The following SLC38A8 variants were observed in gnomAD, a reference collection of about 807,000 sequenced individuals.
SLC38A8 encodes the protein solute carrier family 38 member 8, also known as amino acid transporter SLC38A8.
SLC38A8 carries 65 observed loss-of-function variants against 46.0 expected under a neutral mutation model. The observed-to-expected ratio is 1.41, with a 90% CI of 1.16 to 1.74. The LOEUF (loss-of-function observed/expected upper bound fraction) is 1.74. SLC38A8 is among the 40% of genes most tolerant of loss of function. The probability of loss-of-function intolerance (pLI) is 0.00; values close to 1 mark genes in which losing one functional copy is unlikely to be tolerated. For synonymous variants in SLC38A8, 447 were observed against 243.7 expected (o/e 1.83, Z -7.77); for missense variants, 998 against 567.9 (o/e 1.76, Z -7.70).
At position 84,025,910 on chromosome 16, in the gene SLC38A8, G is replaced by T. The variant is rs1597263944; in HGVS notation, c.691-3021C>A. On this transcript the variant is annotated intron_variant, in intron 6 of 10. Coordinates refer to ENST00000299709, the MANE Select transcript of SLC38A8 (RefSeq NM_001080442.3). ...ACAGGAGGGCTCTGCCAGCAGGGGG[G>T]ACGCAACCCCTCTGCCTCCTGCACC... is the stretch of plus-strand genomic sequence containing the variant. Among the ~76,000 whole-genome samples, 4 of 152,332 alleles carry T rather than the reference G, an allele frequency of 2.6e-5. No individual in the cohort carries two copies. The East Asian group carries it at 5.8e-4, about 22-fold the overall frequency.
intron 1 of SLC38A8, 46 bp from the exon 2 acceptor site, chr16:84,042,205 TCCTC>T: frequency 6.5e-7 from 1 of 1,548,172 alleles, no homozygotes; most frequent in South Asian, 1.2e-5. Context: ...CTTCACGCTT[TCCTC>T]CCTAAGTTCT....
At chr16:84,020,032 C>G (rs986905056) in intron 7 of SLC38A8, among the ~76,000 whole-genome samples, 16 of 152,246 alleles carry the variant, frequency 1.1e-4, no homozygotes, top group African/African-American at 2.9e-4. Context: ...TTGCTGGTAA[C>G]TTCGCAGTTT....
intron 10 of SLC38A8, among the ~76,000 whole-genome samples, chr16:84,012,060 C>G (rs1488498035): frequency 6.6e-6 from 1 of 152,196 alleles, no homozygotes; most frequent in Non-Finnish European, 1.5e-5. Context: ...CTTGATTTCA[C>G]ACTCCTGGCT....
intron 4 of SLC38A8, among the ~76,000 whole-genome samples, chr16:84,032,857 C>T (rs1334306381): frequency 6.6e-6 from 1 of 151,170 alleles, no homozygotes; most frequent in Non-Finnish European, 1.5e-5. Flanking sequence ...CACACATGTG[C>T]GTGCATGGGC....
rs1476871730 is a variant in SLC38A8, at chr16:84,016,598, C to T, written c.1083G>A (p.Met361Ile). The change falls in exon 9 of 11, where the codon ATG becomes ATA. Residue 361 changes from methionine to isoleucine, a missense_variant. Coordinates refer to ENST00000299709, the MANE Select transcript of SLC38A8 (RefSeq NM_001080442.3). ...TILWVTVTLAMALFMPDLSEI... is the reference protein window; with the variant it reads ...TILWVTVTLAIALFMPDLSEI... ...CGCTGAGGTCAGGCATAAACAGCGC[C>T]ATGGCGAGCGTCACGGTGACCCACA... The T allele has an allele frequency of 5.6e-6, 9 of 1,613,934 alleles. No homozygotes were observed. The highest frequency in any genetic ancestry group is 1.6e-4 in the Middle Eastern group (1 of 6,084).
intron 2 of SLC38A8, among the ~76,000 whole-genome samples, chr16:84,039,517 G>A (rs2085343374): frequency 1.3e-5 from 2 of 152,198 alleles, no homozygotes; most frequent in Non-Finnish European, 2.9e-5. Context: ...GGCCAAGGCG[G>A]GTGGATCACC....
rs1164864014 is a variant in SLC38A8, at chr16:84,042,772, G to C, written c.-224C>G. 6.6e-6 allele frequency: 1 copy of C among 152,576 alleles called. No individual in the cohort carries two copies. The highest frequency in any genetic ancestry group is 2.4e-5 in the African/African-American group (1 of 41,464). 9.5% of individuals were successfully genotyped at this position (152,576 alleles called of 1,614,324 possible). On this transcript the variant is annotated 5_prime_UTR_variant, in exon 1 of 11. Transcript: ENST00000299709. ...CTAAGAGGACAGCAACAAGTGGTCA[G>C]GGCCATGGGTCCCAAGAATTTGCAG...
At chr16:84,016,383 G>T in intron 9 of SLC38A8, 136 bp downstream of exon 9, 1 of 930,244 alleles carries the variant, frequency 1.1e-6, no homozygotes, top group South Asian at 1.8e-5. Context: ...AATAAAAAGG[G>T]CACCTACATG....
intron 7 of SLC38A8, among the ~76,000 whole-genome samples, chr16:84,018,912 G>C (rs1438658093): frequency 6.6e-6 from 1 of 152,148 alleles, no homozygotes; most frequent in Non-Finnish European, 1.5e-5. Context: ...AGTTCAATAA[G>C]TGGATTTATT....
At chr16:84,041,031 T>A (rs1368460254) in intron 2 of SLC38A8, 1 of 152,242 alleles carries the variant, frequency 6.6e-6, no homozygotes, top group Non-Finnish European at 1.5e-5. Flanking sequence ...CCAGCTGCCG[T>A]AAGACGTGTG....
Position 84,016,508 on chromosome 16 carries a change from AG to A in SLC38A8, c.1162+10del, listed in dbSNP as rs770024123. ...CAAGTGGGCAGAAAGCCTGGAAAGCAGGGGCCTCACCTGGGAAGATGAAGAT... is the reference window on the plus strand; with the variant it reads ...CAAGTGGGCAGAAAGCCTGGAAAGCAGGGCCTCACCTGGGAAGATGAAGAT... On this transcript the variant is annotated intron_variant, in intron 9 of 10. Coordinates refer to ENST00000299709, the MANE Select transcript of SLC38A8 (RefSeq NM_001080442.3). 9.9e-6 allele frequency: 16 copies of A among 1,612,174 alleles called. No homozygotes were observed. In the Middle Eastern group the frequency reaches 4.9e-4, roughly 50 times the overall value.
At chr16:84,032,527 G>C (rs551003362) in intron 4 of SLC38A8, among the ~76,000 whole-genome samples, 3 of 152,218 alleles carry the variant, frequency 2.0e-5, no homozygotes, top group Non-Finnish European at 2.9e-5. Context: ...CGGGATGGCA[G>C]CTGTAATAGT....
At chr16:84,032,895 T>A (rs763107629) in intron 4 of SLC38A8, among the ~76,000 whole-genome samples, 180 of 143,316 alleles carry the variant, frequency 1.3e-3, no homozygotes, top group Admixed American at 5.4e-3. Context: ...TGGGGGTGCA[T>A]GTGTGGGTGG....
chr16:84,013,682 G>C (rs1329562655), intron 9 of SLC38A8, among the ~76,000 whole-genome samples: 1 of 151,408 alleles, frequency 6.6e-6, no homozygotes, highest in African/African-American at 2.4e-5. Context: ...GCCCGCCTTG[G>C]CCTCCCAAAG....
At chr16:84,036,408 G>C (rs2085299593) in intron 3 of SLC38A8, among the ~76,000 whole-genome samples, 1 of 152,230 alleles carries the variant, frequency 6.6e-6, no homozygotes, top group South Asian at 2.1e-4. Flanking sequence ...CTCAGAAGGA[G>C]CTGCTTGCTG....
chr16:84,011,314 G>C (rs2084950435), intron 10 of SLC38A8, among the ~76,000 whole-genome samples: 2 of 152,178 alleles, frequency 1.3e-5, no homozygotes, highest in African/African-American at 4.8e-5. Context: ...AAAGCATGAA[G>C]ACTCCGAAAA....
chr16:84,009,832 G>C lies in SLC38A8; in HGVS notation c.1260C>G (p.Thr420=), dbSNP rs770237010. The change falls in exon 11 of 11, where the codon ACC becomes ACG. Residue 420 remains threonine, a synonymous_variant. Coordinates refer to ENST00000299709, the MANE Select transcript of SLC38A8 (RefSeq NM_001080442.3). ...VWGVVSVLVG[T]FIFGQSTAAA... ...CCGCCGTGCTCTGCCCAAAGATGAA[G>C]GTGCCGACCAGCACAGAGACCACTC... is the stretch of plus-strand genomic sequence containing the variant. 8 of 1,614,082 alleles carry C rather than the reference G, an allele frequency of 5.0e-6. No individual in the cohort carries two copies. In the South Asian group the frequency reaches 6.6e-5, roughly 13 times the overall value.
chr16:84,041,938 C>T (rs373984575), intron 2 of SLC38A8, 31 bp downstream of exon 2: 101 of 1,535,900 alleles, frequency 6.6e-5, no homozygotes, highest in Non-Finnish European at 8.5e-5. Context: ...ACCTCGTACC[C>T]GTCCCCAGGA....
chr16:84,029,211 T>G (rs945447341), intron 6 of SLC38A8, among the ~76,000 whole-genome samples: 7 of 152,106 alleles, frequency 4.6e-5, no homozygotes, highest in African/African-American at 1.7e-4. Flanking sequence ...GTCCCCACAC[T>G]CTACGCGAAA....
Sources: allele counts gnomAD v4.1 joint callset (sites outside exome capture counted in the v4.1 genomes callset), GRCh38; gene constraint gnomAD v4.1.1; transcripts MANE v1.5; gene names NCBI Gene and HGNC (gene_info 2026-07-23, HGNC 2026-07-21).